Variants in ALMS1 observed in about 807,000 individuals in gnomAD.
ALMS1 encodes centrosome-associated protein ALMS1.
ALMS1 carries 271 observed loss-of-function variants against 352.2 expected under a neutral mutation model. That is an observed-to-expected ratio of 0.77 (90% CI 0.70 to 0.85). The LOEUF (loss-of-function observed/expected upper bound fraction) is 0.85, where lower values mean the gene tolerates loss of function less well. ALMS1 is among the 40% of genes least tolerant of loss of function. ALMS1 has a pLI of 0.00. For missense variants in ALMS1, 5,445 were observed against 4,870.7 expected (o/e 1.12, Z -3.51); for synonymous variants, 1,865 against 1,761.2 (o/e 1.06, Z -1.48).
At chr2:73,562,769 C>T (rs1228783871) in intron 15 of ALMS1, among the ~76,000 whole-genome samples, 3 of 151,898 alleles carry the variant, frequency 2.0e-5, no homozygotes, top group Admixed American at 2.0e-4. Flanking sequence ...TGCCTGTAAT[C>T]CCAGCTACTC....
intron 15 of ALMS1, among the ~76,000 whole-genome samples, chr2:73,564,116 CA>C (rs1347933772): frequency 6.6e-6 from 1 of 151,646 alleles, no homozygotes; most frequent in East Asian, 1.9e-4. Context: ...AAACCCTTTC[CA>C]AAAGACCATA....
At chr2:73,562,613 C>T (rs1416497622) in intron 15 of ALMS1, among the ~76,000 whole-genome samples, 4 of 152,052 alleles carry the variant, frequency 2.6e-5, no homozygotes, top group African/African-American at 4.8e-5. Context: ...ATAGGCCAGA[C>T]GCGGTGGCTC....
chr2:73,594,017 T>G (rs1319738969), intron 16 of ALMS1, among the ~76,000 whole-genome samples: 2 of 152,246 alleles, frequency 1.3e-5, no homozygotes, highest in East Asian at 3.8e-4. Context: ...TTGTCTATTA[T>G]GAACAAAACT....
At position 73,602,318 on chromosome 2, in the gene ALMS1, ACAGGGAACGGCAGGGCCAC is replaced by A; in HGVS notation, c.12252_12270del (p.Glu4085IlefsTer25). 1 of 1,614,194 alleles carries A rather than the reference ACAGGGAACGGCAGGGCCAC, an allele frequency of 6.2e-7. No homozygotes were observed. The highest frequency in any genetic ancestry group is 8.5e-7 in the Non-Finnish European group (1 of 1,180,030). ...GAGCGGGATGCACTATTCAACATTGACAGGGAACGGCAGGGCCACCAGAATCGCATGTGCCCGCTGCCCA... is the reference window on the plus strand; with the variant it reads ...GAGCGGGATGCACTATTCAACATTGACAGAATCGCATGTGCCCGCTGCCCA... On this transcript the variant is annotated frameshift_variant, in exon 20 of 23. Transcript: ENST00000613296. LOFTEE classifies it high-confidence loss of function.
At chr2:73,539,768 G>A (rs992739594) in intron 12 of ALMS1, among the ~76,000 whole-genome samples, 2 of 152,056 alleles carry the variant, frequency 1.3e-5, no homozygotes, top group African/African-American at 4.8e-5. Flanking sequence ...TGGCAGAAAG[G>A]GTATCAGTGA....
At chr2:73,403,813 ATTTC>A (rs1388444318) in intron 1 of ALMS1, among the ~76,000 whole-genome samples, 5 of 151,870 alleles carry the variant, frequency 3.3e-5, no homozygotes, top group African/African-American at 9.7e-5. Flanking sequence ...GGTTTTCTTG[ATTTC>A]TTTTTCATAT....
rs561245749 is a variant in ALMS1 at position 73,578,332 on chromosome 2, G to T, written c.11547+4908G>T. 1.1e-4 allele frequency among the ~76,000 whole-genome samples: 16 copies of T among 152,048 alleles called. No homozygotes were observed. The South Asian group carries it at 3.3e-3, about 32-fold the overall frequency. ...ATGGTCATTTTTTATAAGCTATTCT[G>T]CCCTCTCTGCCTTTTAATTGGCGAG... On this transcript the variant is annotated intron_variant, in intron 16 of 22. Coordinates refer to ENST00000613296, the MANE Select transcript of ALMS1 (RefSeq NM_001378454.1).
chr2:73,416,320 G>A (rs1189376730), intron 2 of ALMS1, among the ~76,000 whole-genome samples: 2 of 152,126 alleles, frequency 1.3e-5, no homozygotes, highest in Non-Finnish European at 2.9e-5. Flanking sequence ...TTATAGATCT[G>A]ATTAATTTAT....
At chr2:73,436,495 T>C (rs910168012) in intron 7 of ALMS1, among the ~76,000 whole-genome samples, 2 of 152,216 alleles carry the variant, frequency 1.3e-5, no homozygotes, top group African/African-American at 2.4e-5. Context: ...TGCCCAGTTA[T>C]CATCTCTTGC....
intron 7 of ALMS1, among the ~76,000 whole-genome samples, chr2:73,439,416 G>A (rs186420888): frequency 4.1e-4 from 62 of 151,746 alleles, no homozygotes; most frequent in African/African-American, 1.4e-3. Flanking sequence ...CACCGTACCC[G>A]GCCTTTTTAT....
chr2:73,488,629 C>T (rs981077786), intron 9 of ALMS1, among the ~76,000 whole-genome samples: 1 of 152,336 alleles, frequency 6.6e-6, no homozygotes. Flanking sequence ...CTAGCTGTTC[C>T]TTCCCCACTG....
intron 6 of ALMS1, among the ~76,000 whole-genome samples, chr2:73,430,536 A>G (rs1439945922): frequency 6.6e-6 from 1 of 152,204 alleles, no homozygotes; most frequent in Non-Finnish European, 1.5e-5. Flanking sequence ...AAGTGTCTAT[A>G]TATTATATAT....
intron 2 of ALMS1, among the ~76,000 whole-genome samples, chr2:73,413,064 T>G (rs1671110743): frequency 2.0e-5 from 3 of 152,042 alleles, no homozygotes; most frequent in African/African-American, 7.2e-5. Flanking sequence ...AACATTCATT[T>G]CTCTAATGAC....
At chr2:73,403,107 A>C (rs544379197) in intron 1 of ALMS1, among the ~76,000 whole-genome samples, 1 of 152,328 alleles carries the variant, frequency 6.6e-6, no homozygotes, top group South Asian at 2.1e-4. Context: ...CAACATTGCC[A>C]AGACAAGTGT....
At chr2:73,529,787 A>G (rs1444672466) in intron 11 of ALMS1, among the ~76,000 whole-genome samples, 2 of 152,304 alleles carry the variant, frequency 1.3e-5, no homozygotes, top group South Asian at 2.1e-4. Context: ...TCAGTTCTGC[A>G]TGGCTGGGGA....
intron 9 of ALMS1, among the ~76,000 whole-genome samples, chr2:73,465,924 A>G (rs1196839455): frequency 6.6e-6 from 1 of 152,224 alleles, no homozygotes; most frequent in Non-Finnish European, 1.5e-5. Flanking sequence ...GCAAATCAAA[A>G]CCACAATGAG....
At chr2:73,600,563 A>C in intron 17 of ALMS1, 115 bp from the exon 18 acceptor site, 1 of 971,754 alleles carries the variant, frequency 1.0e-6, no homozygotes. Flanking sequence ...CCTCCATCCC[A>C]CACAAAGGGA....
chr2:73,550,263 G>T lies in ALMS1; in HGVS notation c.9908-4G>T, dbSNP rs1247899083. 1 of 1,613,566 alleles carries T rather than the reference G, an allele frequency of 6.2e-7. No homozygotes were observed. Among genetic ancestry groups the T allele is most frequent in the African/African-American group, 1.3e-5 (1 of 74,874 alleles). Reference sequence around the variant, plus strand: ...TTTTGTATTACTTCCCCGTTTTTCTGTAGGATCCAATGATGCCATTGCTCC... The same window carrying T: ...TTTTGTATTACTTCCCCGTTTTTCTTTAGGATCCAATGATGCCATTGCTCC... On this transcript the variant is annotated splice_region_variant and splice_polypyrimidine_tract_variant and intron_variant, in intron 12 of 22. Coordinates refer to ENST00000613296, the MANE Select transcript of ALMS1 (RefSeq NM_001378454.1).
In ALMS1 at chr2:73,450,202, TGACCAGAAGACTGGGACA is replaced by T. The variant is rs2103779760; in HGVS notation, c.3676_3693del (p.Asp1226_Thr1231del). The T allele has an allele frequency of 6.2e-7, 1 of 1,614,042 alleles. No individual in the cohort carries two copies. Among genetic ancestry groups the T allele is most frequent in the East Asian group, 2.2e-5 (1 of 44,860 alleles). ...AAGTTTCACCTGTTCTTGGACCAGC[TGACCAGAAGACTGGGACA>T]CCAACTCCAACCTCTGCTTCTTACT... On this transcript the variant is annotated inframe_deletion, in exon 8 of 23. Transcript: ENST00000613296.
Sources: gnomAD v4.1 joint callset for allele counts (sites outside exome capture counted in the v4.1 genomes callset) on GRCh38, gnomAD v4.1.1 for gene constraint, MANE v1.5 for transcripts, NCBI Gene and HGNC (gene_info 2026-07-23, HGNC 2026-07-21) for gene names.